Variants in SNTG2 observed in about 807,000 individuals in gnomAD.
SNTG2 encodes the protein syntrophin gamma 2, also known as gamma-2-syntrophin.
SNTG2 carries 74 observed loss-of-function variants against 70.9 expected under a neutral mutation model. The observed-to-expected ratio is 1.04, with a 90% confidence interval of 0.86 to 1.27. The LOEUF is 1.27. Ranked by LOEUF, SNTG2 falls within the 50% of genes most tolerant of loss-of-function variation. The pLI is 0.00. For missense variants in SNTG2, 717 were observed against 690.7 expected (o/e 1.04, Z -0.43); for synonymous variants, 278 against 273.8 (o/e 1.02, Z -0.15).
At chr2:1,023,991 CAG>C (rs1444342022) in intron 1 of SNTG2, among the ~76,000 whole-genome samples, 1 of 152,280 alleles carries the variant, frequency 6.6e-6, no homozygotes, top group South Asian at 2.1e-4. Flanking sequence ...TCATCTAGAA[CAG>C]GGGTTGGCGA....
rs559422450 is a variant in SNTG2 at position 1,059,857 on chromosome 2, A to T, written c.73-23661A>T. 2.6e-5 allele frequency among the ~76,000 whole-genome samples: 4 copies of T among 152,312 alleles called. No individual in the cohort carries two copies. In the East Asian group the frequency reaches 7.7e-4, roughly 29 times the overall value. The stretch of plus-strand genomic sequence containing the variant: ...GATTTTTCCATTTAATTACTACAAC[A>T]TACCATAAATCTATATAAACTAAGA... On this transcript the variant is annotated intron_variant, in intron 1 of 16. Transcript: ENST00000308624.
At chr2:1,359,849 T>C (rs921136425) in intron 16 of SNTG2, among the ~76,000 whole-genome samples, 4 of 152,198 alleles carry the variant, frequency 2.6e-5, no homozygotes, top group Admixed American at 2.6e-4. Context: ...TCTTTGCATG[T>C]TTTTTCTCTT....
chr2:950,862 G>A lies in SNTG2; in HGVS notation c.-135G>A, dbSNP rs1354407030. On this transcript the variant is annotated 5_prime_UTR_variant, in exon 1 of 17. Coordinates refer to ENST00000308624, the MANE Select transcript of SNTG2 (RefSeq NM_018968.4). ...CTCCGGTTCCCCAGCCCTGCGCCCC[G>A]GTGGAGCCCGAGCCGGAGCCGGCAG... 1 of 278,982 alleles carries A rather than the reference G, an allele frequency of 3.6e-6. No individual in the cohort carries two copies. The highest frequency in any genetic ancestry group is 6.2e-6 in the Non-Finnish European group (1 of 160,248). The allele number at this position is 278,982 out of a possible 1,614,324, so 17.3% of individuals were successfully genotyped here. A position where few individuals can be genotyped will look rare whatever the true frequency, so the allele number is the denominator to read the frequency against.
chr2:1,299,084 TTCTG>T (rs1379969488), intron 14 of SNTG2, among the ~76,000 whole-genome samples: 1 of 152,192 alleles, frequency 6.6e-6, no homozygotes, highest in East Asian at 1.9e-4. Flanking sequence ...ATCCCATTAG[TTCTG>T]TCTGTCTAGA....
At chr2:1,188,801 T>G (rs1285220785) in intron 8 of SNTG2, among the ~76,000 whole-genome samples, 2 of 152,158 alleles carry the variant, frequency 1.3e-5, no homozygotes, top group African/African-American at 4.8e-5. Context: ...GGGTTTGAAC[T>G]GTAATATTAA....
intron 1 of SNTG2, among the ~76,000 whole-genome samples, chr2:1,053,103 C>T (rs987965780): frequency 6.6e-6 from 1 of 152,102 alleles, no homozygotes; most frequent in Non-Finnish European, 1.5e-5. Flanking sequence ...TTCTTTATGA[C>T]CCTGCGTTTT....
intron 1 of SNTG2, among the ~76,000 whole-genome samples, chr2:1,010,128 A>G (rs1659688272): frequency 6.6e-6 from 1 of 152,074 alleles, no homozygotes; most frequent in South Asian, 2.1e-4. Context: ...AACACACTAG[A>G]TGGAGCTTAT....
chr2:1,317,584 C>A lies in SNTG2; in HGVS notation c.1488+1209C>A, dbSNP rs555833170. On this transcript the variant is annotated intron_variant, in intron 16 of 16. Coordinates refer to ENST00000308624, the MANE Select transcript of SNTG2 (RefSeq NM_018968.4). ...GATTCTGGAGCATGTAGCATGAGGC[C>A]AGCATTGGAGAAGGTTGGGATTCTG... 4.2e-5 allele frequency among the ~76,000 whole-genome samples: 5 copies of A among 118,068 alleles called. 1 individual carries two copies. Among genetic ancestry groups the A allele is most frequent in the African/African-American group, 1.6e-4 (5 of 31,902 alleles). The allele number at this position is 118,068 out of a possible 152,430, so 77.5% of individuals were successfully genotyped here.
At chr2:965,115 AGTCCTCCTCCTTGG>A (rs1475817250) in intron 1 of SNTG2, among the ~76,000 whole-genome samples, 3 of 148,766 alleles carry the variant, frequency 2.0e-5, no homozygotes, top group Admixed American at 6.7e-5. Context: ...CTTGGACCCC[AGTCCTCCTCCTTGG>A]ACCCCAATCC....
chr2:1,262,555 C>G (rs1157030267), intron 13 of SNTG2, among the ~76,000 whole-genome samples: 2 of 142,040 alleles, frequency 1.4e-5, no homozygotes, highest in Non-Finnish European at 3.0e-5. Flanking sequence ...GTTCCAGGTC[C>G]CAGAGGTGGG....
intron 1 of SNTG2, among the ~76,000 whole-genome samples, chr2:999,511 A>G (rs1661797488): frequency 1.3e-5 from 2 of 152,056 alleles, no homozygotes; most frequent in Non-Finnish European, 2.9e-5. Flanking sequence ...ATCAGATAAA[A>G]CAGGCTTTAA....
chr2:1,112,168 C>A (rs568064831), intron 4 of SNTG2, among the ~76,000 whole-genome samples: 1 of 151,466 alleles, frequency 6.6e-6, no homozygotes. Context: ...TGAGAAGGAT[C>A]GTGTGTACTA....
At chr2:1,325,926 C>T (rs1367974478) in intron 16 of SNTG2, among the ~76,000 whole-genome samples, 5 of 151,994 alleles carry the variant, frequency 3.3e-5, no homozygotes, top group African/African-American at 9.7e-5. Flanking sequence ...CTCTGCCTCC[C>T]GGTTTCAAGT....
chr2:1,037,028 C>T (rs1242759868), intron 1 of SNTG2, among the ~76,000 whole-genome samples: 1 of 152,230 alleles, frequency 6.6e-6, no homozygotes, highest in Non-Finnish European at 1.5e-5. Flanking sequence ...CCGTGCCTTG[C>T]AGGTGGCTGC....
At chr2:1,320,560 A>G (rs76788066) in intron 16 of SNTG2, among the ~76,000 whole-genome samples, 1 of 151,816 alleles carries the variant, frequency 6.6e-6, no homozygotes, top group Admixed American at 6.6e-5. Context: ...AAAGAAAGAA[A>G]AAAAGAAAAG....
chr2:1,221,897 C>A (rs371857851), intron 9 of SNTG2, among the ~76,000 whole-genome samples: 1 of 26,756 alleles, frequency 3.7e-5, no homozygotes, highest in African/African-American at 2.9e-4. Context: ...GTCTGTGTCT[C>A]TCTCTGTCTC....
intron 7 of SNTG2, among the ~76,000 whole-genome samples, chr2:1,166,367 C>T (rs1315101765): frequency 6.6e-6 from 1 of 152,296 alleles, no homozygotes; most frequent in African/African-American, 2.4e-5. Flanking sequence ...AGCCGACAGT[C>T]GGGTTCCTTC....
rs540920275 is a variant in SNTG2 at position 1,305,010 on chromosome 2, T to A, written c.1285-3484T>A. ...TGGAAGGAGGTACTTAGAACTTTTT[T>A]TTTTTTCTTGAACTCATTAATTGAT... On this transcript the variant is annotated intron_variant, in intron 14 of 16. Coordinates refer to ENST00000308624, the MANE Select transcript of SNTG2 (RefSeq NM_018968.4). Among the ~76,000 whole-genome samples, 13 of 152,302 alleles carry A rather than the reference T, an allele frequency of 8.5e-5. No individual in the cohort carries two copies. In the South Asian group the frequency reaches 2.7e-3, roughly 32 times the overall value.
chr2:1,205,612 T>C (rs1467735371), intron 8 of SNTG2, among the ~76,000 whole-genome samples: 2 of 152,214 alleles, frequency 1.3e-5, no homozygotes, highest in African/African-American at 2.4e-5. Flanking sequence ...CCCAGTGACC[T>C]GATGCCAATT....
Sources: gnomAD v4.1 joint callset for allele counts (sites outside exome capture counted in the v4.1 genomes callset) on GRCh38, gnomAD v4.1.1 for gene constraint, MANE v1.5 for transcripts, NCBI Gene and HGNC (gene_info 2026-07-23, HGNC 2026-07-21) for gene names.